Variants in USH2A observed in about 807,000 individuals in gnomAD.
The protein encoded by USH2A is usherin.
Under a neutral mutation model 538.9 loss-of-function variants are expected in USH2A, and 443 were observed. The observed-to-expected ratio is 0.82, with a 90% CI of 0.76 to 0.89. The LOEUF (loss-of-function observed/expected upper bound fraction) is 0.89, where lower values mean the gene tolerates loss of function less well. USH2A is among the 40% of genes least tolerant of loss of function. The probability of loss-of-function intolerance (pLI) is 0.00; values close to 1 mark genes in which losing one functional copy is unlikely to be tolerated. For missense variants in USH2A, 6,633 were observed against 6,324.8 expected (o/e 1.05, Z -1.65); for synonymous variants, 2,413 against 2,273.5 (o/e 1.06, Z -1.75).
chr1:215,779,552 C>T (rs1661561151), intron 55 of USH2A, among the ~76,000 whole-genome samples: 1 of 151,970 alleles, frequency 6.6e-6, no homozygotes, highest in Middle Eastern at 3.2e-3. Context: ...AATGAAAATG[C>T]ATCTTACTGT....
At chr1:215,800,377 C>T (rs370643016) in intron 49 of USH2A, among the ~76,000 whole-genome samples, 5 of 152,298 alleles carry the variant, frequency 3.3e-5, no homozygotes, top group African/African-American at 1.2e-4. Flanking sequence ...CCCTGGACAA[C>T]ATCTCTTCAT....
intron 3 of USH2A, among the ~76,000 whole-genome samples, chr1:216,382,627 T>G (rs1244851161): frequency 7.2e-5 from 11 of 152,176 alleles, no homozygotes; most frequent in African/African-American, 2.4e-4. Flanking sequence ...TTTATAACTA[T>G]GCATATGAAA....
At position 215,647,712 on chromosome 1, in the gene USH2A, G is replaced by A. The variant is rs776687971; in HGVS notation, c.14601C>T (p.His4867=). 9.3e-6 allele frequency: 15 copies of A among 1,614,052 alleles called. No individual in the cohort carries two copies. Among genetic ancestry groups the A allele is most frequent in the South Asian group, 2.2e-5 (2 of 91,090 alleles). Residue 4867 remains histidine (H), a synonymous_variant, in exon 67 of 72, where the codon CAC becomes CAT. Transcript: ENST00000307340. Reference sequence around the variant, plus strand: ...GGGCTGAGTCAGGAGGGCAAGCCACGTGGAATTGGAGTTCATAGCTAAAAT... The same window carrying A: ...GGGCTGAGTCAGGAGGGCAAGCCACATGGAATTGGAGTTCATAGCTAAAAT... ...GVIHSYELQF[H]VACPPDSALP... is the part of the protein sequence containing the mutation.
intron 64 of USH2A, among the ~76,000 whole-genome samples, chr1:215,663,930 G>T (rs771470458): frequency 6.6e-6 from 1 of 152,122 alleles, no homozygotes; most frequent in Non-Finnish European, 1.5e-5. Context: ...TTCCTCAGAT[G>T]CCTGGTGAAA....
At chr1:216,327,065 A>C (rs2037748667) in intron 5 of USH2A, among the ~76,000 whole-genome samples, 1 of 152,310 alleles carries the variant, frequency 6.6e-6, no homozygotes, top group East Asian at 1.9e-4. Context: ...GCCTGAGTCT[A>C]TATAATTATT....
chr1:216,394,764 G>T (rs1409826682), intron 3 of USH2A, among the ~76,000 whole-genome samples: 1 of 124,406 alleles, frequency 8.0e-6, no homozygotes, highest in Non-Finnish European at 1.6e-5. Flanking sequence ...TGTCGCCCAG[G>T]CTGGAGTGCA....
Position 215,625,253 on chromosome 1 carries a change from T to G in USH2A, c.*528A>C, listed in dbSNP as rs985238522. The G allele has an allele frequency of 5.6e-6, 1 of 177,458 alleles. No homozygotes were observed. The allele number at this position is 177,458 out of a possible 1,614,324, so 11.0% of individuals were successfully genotyped here. The stretch of plus-strand genomic sequence containing the variant: ...AGTAACCCTATGTATGGTAAATAAA[T>G]AGAACCTTCAGAAAAGTTTGTCGAC... On this transcript the variant is annotated 3_prime_UTR_variant, in exon 72 of 72. Transcript: ENST00000307340.
intron 3 of USH2A, among the ~76,000 whole-genome samples, chr1:216,373,213 A>G (rs903811928): frequency 6.6e-6 from 1 of 152,220 alleles, no homozygotes; most frequent in Non-Finnish European, 1.5e-5. Flanking sequence ...AGGAATTTAC[A>G]ATCTGTAATA....
chr1:216,068,406 G>A (rs750605803), intron 30 of USH2A, among the ~76,000 whole-genome samples: 2 of 152,134 alleles, frequency 1.3e-5, no homozygotes, highest in Non-Finnish European at 2.9e-5. Flanking sequence ...GTTCTCAAAT[G>A]CTGGCATACA....
chr1:216,408,859 C>T (rs1251431892), intron 3 of USH2A, among the ~76,000 whole-genome samples: 2 of 152,148 alleles, frequency 1.3e-5, no homozygotes, highest in African/African-American at 4.8e-5. Context: ...GGAGAAGCTG[C>T]TGGACAAAGG....
chr1:216,285,465 G>A (rs998310759), intron 11 of USH2A, among the ~76,000 whole-genome samples: 2 of 152,236 alleles, frequency 1.3e-5, no homozygotes, highest in Admixed American at 1.3e-4. Flanking sequence ...TGGATGTCCA[G>A]GCAGAGGATG....
intron 44 of USH2A, among the ~76,000 whole-genome samples, chr1:215,858,750 A>T (rs1013909323): frequency 6.6e-6 from 1 of 151,966 alleles, no homozygotes; most frequent in Non-Finnish European, 1.5e-5. Context: ...CAGAAATTTT[A>T]TCTTAGCTGG....
At chr1:215,629,217 G>A (rs1424748506) in intron 70 of USH2A, among the ~76,000 whole-genome samples, 182 bp from the exon 71 acceptor site, 1 of 152,112 alleles carries the variant, frequency 6.6e-6, no homozygotes, top group African/African-American at 2.4e-5. Context: ...CCCACAACAC[G>A]GTGACCCTGG....
intron 51 of USH2A, among the ~76,000 whole-genome samples, chr1:215,789,092 G>A (rs1426411749): frequency 6.6e-6 from 1 of 152,140 alleles, no homozygotes; most frequent in Non-Finnish European, 1.5e-5. Context: ...CCAGGTGGTA[G>A]GTCTTCAGAA....
At chr1:216,002,690 T>C (rs1668293380) in intron 32 of USH2A, among the ~76,000 whole-genome samples, 1 of 152,116 alleles carries the variant, frequency 6.6e-6, no homozygotes, top group South Asian at 2.1e-4. Flanking sequence ...AGTGAACTCT[T>C]TGGAGTGGGA....
At position 215,902,612 on chromosome 1, in the gene USH2A, A is replaced by G. The variant is rs140615152; in HGVS notation, c.7301-1707T>C. Among the ~76,000 whole-genome samples the G allele has an allele frequency of 5.8e-3, 879 of 152,272 alleles. 8 individuals are homozygous for G. The highest frequency in any genetic ancestry group is 0.02 in the African/African-American group (823 of 41,568). Reference sequence around the variant, plus strand: ...TGTAGAAAAATAAAGCAGTGTAAGGAAAGAGAAGGTAAAAAGAATTGGGCA... The same window carrying G: ...TGTAGAAAAATAAAGCAGTGTAAGGGAAGAGAAGGTAAAAAGAATTGGGCA... On this transcript the variant is annotated intron_variant, in intron 38 of 71. Transcript: ENST00000307340.
At chr1:216,087,115 G>A (rs946461859) in intron 23 of USH2A, among the ~76,000 whole-genome samples, 1 of 152,182 alleles carries the variant, frequency 6.6e-6, no homozygotes. Flanking sequence ...AACTGCCAGG[G>A]CCAAAGGCCA....
chr1:216,198,666 A>C lies in USH2A; in HGVS notation c.3812-82T>G, dbSNP rs1036118446. The C allele has an allele frequency of 3.8e-5, 48 of 1,270,092 alleles. No homozygotes were observed. In the East Asian group the frequency reaches 1.1e-3, roughly 30 times the overall value. 78.7% of individuals were successfully genotyped at this position (1,270,092 alleles called of 1,614,324 possible). ...GGGTAGGGTAGGGACAGGTCAGTTA[A>C]AGAGTGCTGGATATTCATTGTCTTT... On this transcript the variant is annotated intron_variant, in intron 17 of 71. Transcript: ENST00000307340.
chr1:216,007,276 T>C (rs978586084), intron 32 of USH2A, among the ~76,000 whole-genome samples: 4 of 152,190 alleles, frequency 2.6e-5, no homozygotes, highest in Non-Finnish European at 4.4e-5. Flanking sequence ...GTACACTCAA[T>C]TAAATTATAA....
Sources: gnomAD v4.1 joint callset for allele counts (sites outside exome capture counted in the v4.1 genomes callset) on GRCh38, gnomAD v4.1.1 for gene constraint, MANE v1.5 for transcripts, NCBI Gene and HGNC (gene_info 2026-07-23, HGNC 2026-07-21) for gene names.